Variants in ZBTB20 observed in about 807,000 individuals in gnomAD.
ZBTB20 encodes zinc finger and BTB domain-containing protein 20.
ZBTB20 carries 9 observed loss-of-function variants against 56.9 expected under a neutral mutation model. The ratio of observed to expected loss-of-function variants is 0.16; its 90% CI spans 0.10 to 0.28. The LOEUF (loss-of-function observed/expected upper bound fraction) is 0.28. Among genes scored for constraint, ZBTB20 ranks in the 10% least tolerant of loss-of-function variants. ZBTB20 has a pLI of 1.00. For missense variants in ZBTB20, 655 were observed against 1,003.0 expected (o/e 0.65, Z 4.69); for synonymous variants, 417 against 420.7 (o/e 0.99, Z 0.11).
chr3:114,806,717 T>A (rs567113203), intron 4 of ZBTB20, among the ~76,000 whole-genome samples: 2 of 152,160 alleles, frequency 1.3e-5, no homozygotes, highest in African/African-American at 2.4e-5. Flanking sequence ...AGAAATTTTA[T>A]AATTTTAGCT....
At position 114,315,948 on chromosome 3, in the gene ZBTB20, A is replaced by G. The variant is rs2078668008; in HGVS notation, c.*23057T>C. On this transcript the variant is annotated 3_prime_UTR_variant, in exon 12 of 12. Coordinates refer to ENST00000675478, the MANE Select transcript of ZBTB20 (RefSeq NM_001348800.3). ...GGATGGCCACGTTAAGGTGCTTCAA[A>G]AAAGGTTTTTTGTTTTTTTGTTTTT... The G allele has an allele frequency of 6.4e-6, 1 of 156,702 alleles. No homozygotes were observed. Among genetic ancestry groups the G allele is most frequent in the African/African-American group, 2.4e-5 (1 of 41,474 alleles). The allele number at this position is 156,702 out of a possible 1,614,324, so 9.7% of individuals were successfully genotyped here.
At chr3:114,389,628 A>G (rs58185207) in intron 7 of ZBTB20, among the ~76,000 whole-genome samples, 2,361 of 152,156 alleles carry the variant, frequency 0.016, 50 homozygotes, top group African/African-American at 0.054. Context: ...GCTGGCTCAC[A>G]CCTGTAATCC....
intron 1 of ZBTB20, among the ~76,000 whole-genome samples, chr3:115,119,082 T>C (rs956250706): frequency 1.8e-4 from 27 of 152,178 alleles, no homozygotes; most frequent in African/African-American, 6.0e-4. Flanking sequence ...AGATCCCCAC[T>C]TAACCTAACC....
rs558827843 is a variant in ZBTB20, at chr3:114,745,335, G to A, written c.-342-51760C>T. ...CCTTAATACTTATTGATAACCCAAT[G>A]CCCATTCATTAGATATGCTAAATCC... On this transcript the variant is annotated intron_variant, in intron 5 of 11. Transcript: ENST00000675478. Among the ~76,000 whole-genome samples, 7 of 152,176 alleles carry A rather than the reference G, an allele frequency of 4.6e-5. No individual in the cohort carries two copies. The East Asian group carries it at 9.7e-4, about 21-fold the overall frequency.
At chr3:114,567,164 G>A (rs1261308601) in intron 6 of ZBTB20, among the ~76,000 whole-genome samples, 1 of 152,142 alleles carries the variant, frequency 6.6e-6, no homozygotes, top group African/African-American at 2.4e-5. Flanking sequence ...ATGTTATTGT[G>A]TGACTTTTCT....
At chr3:114,485,927 T>C (rs984816572) in intron 7 of ZBTB20, among the ~76,000 whole-genome samples, 2 of 152,142 alleles carry the variant, frequency 1.3e-5, no homozygotes, top group Admixed American at 6.5e-5. Context: ...TATTTTGTTA[T>C]AGCAGCAAAA....
intron 3 of ZBTB20, among the ~76,000 whole-genome samples, chr3:114,905,195 A>T (rs560928675): frequency 6.6e-6 from 1 of 152,074 alleles, no homozygotes; most frequent in Admixed American, 6.6e-5. Flanking sequence ...CTTTTAAAAT[A>T]AAAGTTTAAG....
chr3:114,365,577 G>A (rs1468092221), intron 10 of ZBTB20, among the ~76,000 whole-genome samples: 1 of 152,182 alleles, frequency 6.6e-6, no homozygotes, highest in Non-Finnish European at 1.5e-5. Context: ...CCTAGACAAA[G>A]ATTAGACCCA....
At chr3:114,980,935 T>C (rs1044927071) in intron 2 of ZBTB20, among the ~76,000 whole-genome samples, 40 of 151,930 alleles carry the variant, frequency 2.6e-4, no homozygotes, top group Admixed American at 5.3e-4. Flanking sequence ...TCATTTTAAC[T>C]AAAAATATAA....
intron 7 of ZBTB20, among the ~76,000 whole-genome samples, chr3:114,449,865 A>G (rs1336053889): frequency 6.6e-6 from 1 of 152,134 alleles, no homozygotes; most frequent in African/African-American, 2.4e-5. Flanking sequence ...GTATCCCCAA[A>G]TTTATGCACA....
At chr3:114,958,647 A>G (rs2077333852) in intron 3 of ZBTB20, among the ~76,000 whole-genome samples, 1 of 152,148 alleles carries the variant, frequency 6.6e-6, no homozygotes, top group Non-Finnish European at 1.5e-5. Context: ...CCGGAGTTTG[A>G]GACCAGCCTG....
intron 6 of ZBTB20, among the ~76,000 whole-genome samples, chr3:114,630,164 T>A (rs1369922040): frequency 6.6e-6 from 1 of 151,958 alleles, no homozygotes; most frequent in Non-Finnish European, 1.5e-5. Context: ...AATAGAAGAA[T>A]AACAAATGTA....
chr3:114,921,447 G>A (rs1003978871), intron 3 of ZBTB20, among the ~76,000 whole-genome samples: 12 of 152,012 alleles, frequency 7.9e-5, no homozygotes, highest in East Asian at 5.8e-4. Flanking sequence ...CTTGATGAGC[G>A]GATTCTACCA....
At chr3:114,493,779 T>C (rs551691727) in intron 7 of ZBTB20, among the ~76,000 whole-genome samples, 27 of 152,252 alleles carry the variant, frequency 1.8e-4, no homozygotes, top group African/African-American at 5.8e-4. Context: ...TATATAGTGG[T>C]AAGCACAATT....
intron 6 of ZBTB20, among the ~76,000 whole-genome samples, chr3:114,673,491 C>T (rs1193380913): frequency 6.6e-6 from 1 of 152,046 alleles, no homozygotes; most frequent in East Asian, 1.9e-4. Flanking sequence ...TTTAGGCTGC[C>T]AAGGGACAAG....
Position 114,335,097 on chromosome 3 carries a change from A to G in ZBTB20, c.*3908T>C, listed in dbSNP as rs1056770689. The stretch of plus-strand genomic sequence containing the variant: ...AAAATATTATTTTTTTATAAACCAT[A>G]TCTAAATATCTTGAGATAAAAATTC... On this transcript the variant is annotated 3_prime_UTR_variant, in exon 12 of 12. Coordinates refer to ENST00000675478, the MANE Select transcript of ZBTB20 (RefSeq NM_001348800.3). The G allele has an allele frequency of 6.6e-6, 1 of 152,154 alleles. No individual in the cohort carries two copies. Among genetic ancestry groups the G allele is most frequent in the Non-Finnish European group, 1.5e-5 (1 of 68,024 alleles). 9.4% of individuals were successfully genotyped at this position (152,154 alleles called of 1,614,324 possible). A position where few individuals can be genotyped will look rare whatever the true frequency, so the allele number is the denominator to read the frequency against.
At chr3:114,875,326 G>T (rs905762394) in intron 4 of ZBTB20, among the ~76,000 whole-genome samples, 18 of 152,148 alleles carry the variant, frequency 1.2e-4, no homozygotes. Flanking sequence ...GATTAGTTCA[G>T]TGCAGCATAT....
At chr3:114,823,723 A>G (rs977330878) in intron 4 of ZBTB20, among the ~76,000 whole-genome samples, 8 of 152,078 alleles carry the variant, frequency 5.3e-5, no homozygotes, top group African/African-American at 1.4e-4. Context: ...AAGTTCACAT[A>G]CTACTCACTT....
chr3:114,418,412 C>T (rs1450292402), intron 7 of ZBTB20, among the ~76,000 whole-genome samples: 1 of 151,996 alleles, frequency 6.6e-6, no homozygotes, highest in African/African-American at 2.4e-5. Context: ...TTCTGTATTG[C>T]AACCCTTGTC....
Sources: gnomAD v4.1 joint callset for allele counts (sites outside exome capture counted in the v4.1 genomes callset) on GRCh38, gnomAD v4.1.1 for gene constraint, MANE v1.5 for transcripts, NCBI Gene and HGNC (gene_info 2026-07-23, HGNC 2026-07-21) for gene names.